PPIP5K2: variants seen among roughly 807,000 people sequenced by gnomAD.
The protein encoded by PPIP5K2 is inositol hexakisphosphate and diphosphoinositol-pentakisphosphate kinase 2.
PPIP5K2 carries 105 observed loss-of-function variants against 154.6 expected under a neutral mutation model. The ratio of observed to expected loss-of-function variants is 0.68; its 90% CI spans 0.58 to 0.80. The LOEUF is 0.80. PPIP5K2 is among the 30% of genes least tolerant of loss of function. The pLI is 0.00. For missense variants in PPIP5K2, 992 were observed against 1,504.6 expected (o/e 0.66, Z 5.64); for synonymous variants, 480 against 490.3 (o/e 0.98, Z 0.28).
At chr5:103,123,928 G>A (rs1487070015) in intron 1 of PPIP5K2, among the ~76,000 whole-genome samples, 4 of 152,082 alleles carry the variant, frequency 2.6e-5, no homozygotes, top group African/African-American at 4.8e-5. Flanking sequence ...AAGTATCAGC[G>A]CTTTAAGTGA....
intron 15 of PPIP5K2, 47 bp from the exon 16 acceptor site, chr5:103,158,405 C>T (rs782410317): frequency 1.3e-6 from 2 of 1,589,808 alleles, no homozygotes; most frequent in Admixed American, 1.9e-5. Flanking sequence ...TATAGAAATA[C>T]AATGAAATGA....
intron 1 of PPIP5K2, among the ~76,000 whole-genome samples, chr5:103,129,084 G>A (rs1554201610): frequency 2.0e-5 from 3 of 151,988 alleles, no homozygotes; most frequent in East Asian, 1.9e-4. Flanking sequence ...TAATTCATAT[G>A]TTTGTCAAAT....
chr5:103,141,633 A>G (rs1327446450), intron 5 of PPIP5K2, among the ~76,000 whole-genome samples: 1 of 152,176 alleles, frequency 6.6e-6, no homozygotes, highest in African/African-American at 2.4e-5. Flanking sequence ...AGTTAGATAC[A>G]GAGTTTCGAC....
chr5:103,173,009 T>A, intron 19 of PPIP5K2, 146 bp from the exon 20 acceptor site: 1 of 565,186 alleles, frequency 1.8e-6, no homozygotes, highest in East Asian at 3.3e-5. Context: ...CATTTGCAGT[T>A]GCAAAAAATG....
Position 103,194,992 on chromosome 5 carries a change from A to C in PPIP5K2, c.3586A>C (p.Thr1196Pro), listed in dbSNP as rs782459479. The change falls in exon 30 of 31, where the codon ACC becomes CCC. Residue 1196 changes from threonine (T) to proline (P), a missense_variant. This residue lies in a region of PPIP5K2 where 131 missense variants were observed against 117.8 expected (regional missense o/e 1.11). Transcript: ENST00000358359. ...AAAGATCCTCCCAACACCACCAGCT[A>C]CCTTAAAGAGCACTAAAGCAAGCAG... ...PAKILPTPPA[T>P]LKSTKASSKP... The C allele has an allele frequency of 6.2e-7, 1 of 1,613,696 alleles. No individual in the cohort carries two copies.
chr5:103,171,746 A>G (rs1463872816), intron 19 of PPIP5K2, among the ~76,000 whole-genome samples: 1 of 151,634 alleles, frequency 6.6e-6, no homozygotes, highest in East Asian at 1.9e-4. Context: ...TCTTTCCTTA[A>G]ATTTATTTAC....
chr5:103,154,014 A>G (rs181982980), intron 11 of PPIP5K2, 80 bp downstream of exon 11: 3 of 1,066,598 alleles, frequency 2.8e-6, no homozygotes, highest in South Asian at 1.7e-5. Context: ...TTTGATTAAT[A>G]CATCATATAG....
Position 103,160,901 on chromosome 5 carries a change from T to C in PPIP5K2, c.1920+1573T>C, listed in dbSNP as rs555962646. On this transcript the variant is annotated intron_variant, in intron 17 of 30. Coordinates refer to ENST00000358359, the MANE Select transcript of PPIP5K2 (RefSeq NM_001276277.3). ...TTATTGTGACCATGGTATACTTATT[T>C]ACAATGTTAGCAGGTAATGTCAAAC... Among the ~76,000 whole-genome samples the C allele has an allele frequency of 2.0e-5, 3 of 152,246 alleles. No homozygotes were observed. The East Asian group carries it at 5.8e-4, about 29-fold the overall frequency.
At chr5:103,168,693 C>T (rs2149678974) in intron 19 of PPIP5K2, among the ~76,000 whole-genome samples, 1 of 151,914 alleles carries the variant, frequency 6.6e-6, no homozygotes, top group African/African-American at 2.4e-5. Context: ...CACCCAGAGT[C>T]CATAGTGCAT....
At chr5:103,192,101 C>T (rs1801337468) in intron 29 of PPIP5K2, among the ~76,000 whole-genome samples, 1 of 151,982 alleles carries the variant, frequency 6.6e-6, no homozygotes, top group Non-Finnish European at 1.5e-5. Context: ...AAAGTAGTGA[C>T]CTTTCCCTTT....
rs1376810375 is a variant in PPIP5K2 at position 103,205,828 on chromosome 5, C to G, written c.*4194C>G. The G allele has an allele frequency of 6.6e-6, 1 of 152,056 alleles. No individual in the cohort carries two copies. Among genetic ancestry groups the G allele is most frequent in the Non-Finnish European group, 1.5e-5 (1 of 68,028 alleles). 9.4% of individuals were successfully genotyped at this position (152,056 alleles called of 1,614,324 possible). ...GGATACTTTTTGTTCTATAAATTGT[C>G]AGATATTAAGATTATGACCTATGCT... On this transcript the variant is annotated 3_prime_UTR_variant, in exon 31 of 31. Transcript: ENST00000358359.
At chr5:103,134,214 A>G (rs1445593444) in intron 3 of PPIP5K2, among the ~76,000 whole-genome samples, 1 of 152,120 alleles carries the variant, frequency 6.6e-6, no homozygotes, top group Non-Finnish European at 1.5e-5. Flanking sequence ...AGATTTTTAG[A>G]CATTCCTTGC....
intron 5 of PPIP5K2, among the ~76,000 whole-genome samples, chr5:103,143,341 C>T (rs553835208): frequency 1.3e-5 from 2 of 152,286 alleles, no homozygotes; most frequent in East Asian, 3.9e-4. Flanking sequence ...CAAGCACAAG[C>T]CACCAGACCC....
At position 103,209,018 on chromosome 5, in the gene PPIP5K2, T is replaced by C. The variant is rs1478769429; in HGVS notation, c.*7384T>C. The C allele has an allele frequency of 6.6e-6, 1 of 152,210 alleles. No homozygotes were observed. The highest frequency in any genetic ancestry group is 2.4e-5 in the African/African-American group (1 of 41,460). 9.4% of individuals were successfully genotyped at this position (152,210 alleles called of 1,614,324 possible). On this transcript the variant is annotated 3_prime_UTR_variant, in exon 31 of 31. Transcript: ENST00000358359. The stretch of plus-strand genomic sequence containing the variant: ...GGAAGAAGAACAAAAGAAGCCTGCC[T>C]CTCTTTAGACTGCCCATCTCAATTA...
At position 103,156,008 on chromosome 5, in the gene PPIP5K2, A is replaced by G; in HGVS notation, c.1489+14A>G. On this transcript the variant is annotated intron_variant, in intron 14 of 30. Coordinates refer to ENST00000358359, the MANE Select transcript of PPIP5K2 (RefSeq NM_001276277.3). ...GTGAAGAGGAGGGTATGTTATTCTTAATGCTTATACAGTAGTTTTATATGT... is the reference window on the plus strand; with the variant it reads ...GTGAAGAGGAGGGTATGTTATTCTTGATGCTTATACAGTAGTTTTATATGT... The G allele has an allele frequency of 2.0e-6, 3 of 1,508,410 alleles. No individual in the cohort carries two copies. The African/African-American group carries it at 4.1e-5, about 21-fold the overall frequency. The allele number at this position is 1,508,410 out of a possible 1,614,324, so 93.4% of individuals were successfully genotyped here. A position where few individuals can be genotyped will look rare whatever the true frequency, so the allele number is the denominator to read the frequency against.
intron 2 of PPIP5K2, among the ~76,000 whole-genome samples, chr5:103,132,643 A>G (rs1213568949): frequency 6.6e-6 from 1 of 152,212 alleles, no homozygotes; most frequent in Admixed American, 6.5e-5. Context: ...CCTAGATTAT[A>G]ATGTTGTATG....
At position 103,180,034 on chromosome 5, in the gene PPIP5K2, G is replaced by T; in HGVS notation, c.2768G>T (p.Arg923Ile). Residue 923 changes from arginine (R) to isoleucine (I), a missense_variant, in exon 24 of 31, where the codon AGA (arginine) becomes ATA (isoleucine). Coordinates refer to ENST00000358359, the MANE Select transcript of PPIP5K2 (RefSeq NM_001276277.3). ...RPASRENEGR[R>I]PFKIDNDDEP... The stretch of plus-strand genomic sequence containing the variant: ...CTTTGCTCACAGAATGAAGGCAGGA[G>T]ACCTTTTAAAATTGATAATGATGAT... 1 of 1,537,516 alleles carries T rather than the reference G, an allele frequency of 6.5e-7. No individual in the cohort carries two copies. The highest frequency in any genetic ancestry group is 8.7e-7 in the Non-Finnish European group (1 of 1,144,496).
chr5:103,141,992 GC>G (rs1400280765), intron 5 of PPIP5K2, among the ~76,000 whole-genome samples: 1 of 152,236 alleles, frequency 6.6e-6, no homozygotes, highest in Non-Finnish European at 1.5e-5. Context: ...CCGCACCAGG[GC>G]TGCAGGTGGA....
intron 5 of PPIP5K2, among the ~76,000 whole-genome samples, chr5:103,145,056 C>G (rs1359846047): frequency 6.6e-6 from 1 of 151,524 alleles, no homozygotes; most frequent in Non-Finnish European, 1.5e-5. Flanking sequence ...TCAAACAGCT[C>G]TATAGGAAAA....
Sources: allele counts gnomAD v4.1 joint callset (sites outside exome capture counted in the v4.1 genomes callset), GRCh38; gene constraint gnomAD v4.1.1; regional missense constraint gnomAD v4.1.1; transcripts MANE v1.5; gene names NCBI Gene and HGNC (gene_info 2026-07-23, HGNC 2026-07-21).